Variants in ADGRV1 observed in about 807,000 individuals in gnomAD.
ADGRV1 encodes the protein adhesion G protein-coupled receptor V1.
ADGRV1 carries 359 observed loss-of-function variants against 596.2 expected under a neutral mutation model. The observed-to-expected ratio is 0.60, with a 90% CI of 0.55 to 0.66. ADGRV1 has a LOEUF of 0.66. Ranked by LOEUF, ADGRV1 falls within the 30% of genes least tolerant of loss-of-function variation. ADGRV1 has a pLI of 0.00. For missense variants in ADGRV1, 7,274 were observed against 7,575.6 expected, an observed-to-expected ratio of 0.96 and a Z score of 1.48; for synonymous variants, 2,681 against 2,679.2, an observed-to-expected ratio of 1.00 and a Z score of -0.02.
rs536438412 is a variant in ADGRV1, at chr5:91,112,006, T to G, written c.18432+9666T>G. ...TCTCTGCCCCGTGTTCAGTAGCATC[T>G]GGGCTGGTGAAACACCTCTGTGTTT... On this transcript the variant is annotated intron_variant, in intron 87 of 89. Transcript: ENST00000405460. 2.2e-4 allele frequency among the ~76,000 whole-genome samples: 34 copies of G among 152,380 alleles called. 1 individual carries two copies. The East Asian group carries it at 6.2e-3, about 28-fold the overall frequency.
chr5:90,681,722 A>G (rs1009603343), intron 27 of ADGRV1, among the ~76,000 whole-genome samples: 1 of 152,182 alleles, frequency 6.6e-6, no homozygotes, highest in Non-Finnish European at 1.5e-5. Flanking sequence ...TTTATCTTAC[A>G]TAGATTTTTG....
chr5:91,157,003 G>A (rs1263848394), intron 89 of ADGRV1, among the ~76,000 whole-genome samples: 1 of 152,156 alleles, frequency 6.6e-6, no homozygotes, highest in African/African-American at 2.4e-5. Flanking sequence ...CTTTGAAGTC[G>A]AGCACAGCGC....
At chr5:90,921,754 T>C (rs1298735857) in intron 83 of ADGRV1, among the ~76,000 whole-genome samples, 2 of 151,630 alleles carry the variant, frequency 1.3e-5, no homozygotes, top group Admixed American at 6.6e-5. Flanking sequence ...GTAATGCATA[T>C]ATGTATAATA....
At chr5:90,943,947 A>G (rs954749288) in intron 83 of ADGRV1, among the ~76,000 whole-genome samples, 7 of 152,272 alleles carry the variant, frequency 4.6e-5, no homozygotes, top group Middle Eastern at 6.8e-3. Flanking sequence ...GTATACATGA[A>G]TTGAGGTGTA....
intron 1 of ADGRV1, among the ~76,000 whole-genome samples, chr5:90,586,471 C>G (rs752339549): frequency 6.6e-6 from 1 of 152,194 alleles, no homozygotes; most frequent in Non-Finnish European, 1.5e-5. Context: ...TACCCACCAA[C>G]CAACAGTGAT....
In ADGRV1 at chr5:91,061,656, C is replaced by G. The variant is rs1787439455; in HGVS notation, c.18153-10791C>G. 2.0e-5 allele frequency among the ~76,000 whole-genome samples: 3 copies of G among 152,272 alleles called. No homozygotes were observed. The South Asian group carries it at 6.2e-4, about 32-fold the overall frequency. ...TGTAATGTGTCCATTTTTCTTTCCTCAATCTTTTCAAGCAATATAAGCATA... is the reference window on the plus strand; with the variant it reads ...TGTAATGTGTCCATTTTTCTTTCCTGAATCTTTTCAAGCAATATAAGCATA... On this transcript the variant is annotated intron_variant, in intron 85 of 89. Coordinates refer to ENST00000405460, the MANE Select transcript of ADGRV1 (RefSeq NM_032119.4).
chr5:90,709,433 A>T (rs1292912682), intron 39 of ADGRV1, among the ~76,000 whole-genome samples: 1 of 152,204 alleles, frequency 6.6e-6, no homozygotes, highest in Non-Finnish European at 1.5e-5. Context: ...CTTTGAAAAG[A>T]TGTATTCCTA....
intron 21 of ADGRV1, among the ~76,000 whole-genome samples, chr5:90,668,481 C>G (rs11959408): frequency 6.6e-6 from 1 of 150,490 alleles, no homozygotes; most frequent in South Asian, 2.1e-4. Context: ...CCGCATGGTG[C>G]GCGCACCCAC....
intron 83 of ADGRV1, among the ~76,000 whole-genome samples, chr5:90,864,369 A>G (rs1767890460): frequency 6.6e-6 from 1 of 152,226 alleles, no homozygotes; most frequent in South Asian, 2.1e-4. Context: ...AATTTAAAGT[A>G]TCTAGTTTAA....
chr5:91,057,044 C>G (rs1046154364), intron 85 of ADGRV1, among the ~76,000 whole-genome samples: 1 of 152,186 alleles, frequency 6.6e-6, no homozygotes, highest in Non-Finnish European at 1.5e-5. Context: ...ATGGCAAATT[C>G]CAACAATGGA....
At chr5:90,609,982 C>G (rs1342539760) in intron 1 of ADGRV1, among the ~76,000 whole-genome samples, 1 of 151,882 alleles carries the variant, frequency 6.6e-6, no homozygotes, top group African/African-American at 2.4e-5. Context: ...TTATGACTTT[C>G]TTTCATTGTC....
chr5:91,114,842 C>T (rs1282640669), intron 87 of ADGRV1, among the ~76,000 whole-genome samples: 1 of 152,208 alleles, frequency 6.6e-6, no homozygotes, highest in African/African-American at 2.4e-5. Context: ...AGAAGTGGAA[C>T]ATGCTGTCAT....
intron 84 of ADGRV1, among the ~76,000 whole-genome samples, chr5:90,973,875 G>T (rs369560121): frequency 1.3e-5 from 2 of 152,076 alleles, no homozygotes; most frequent in African/African-American, 2.4e-5. Flanking sequence ...AAGAAAGAAA[G>T]AAAGGGTATT....
intron 52 of ADGRV1, among the ~76,000 whole-genome samples, chr5:90,747,444 A>C (rs1754751936): frequency 6.6e-6 from 1 of 152,148 alleles, no homozygotes. Flanking sequence ...AAAGAATACA[A>C]AATAAAATCA....
At chr5:91,150,885 G>A (rs1795993581) in intron 88 of ADGRV1, among the ~76,000 whole-genome samples, 1 of 152,132 alleles carries the variant, frequency 6.6e-6, no homozygotes, top group African/African-American at 2.4e-5. Context: ...TGTCAGTAAT[G>A]CTGCCCCTAG....
intron 85 of ADGRV1, among the ~76,000 whole-genome samples, chr5:91,042,549 A>G (rs961216229): frequency 6.6e-6 from 1 of 150,432 alleles, no homozygotes; most frequent in African/African-American, 2.4e-5. Flanking sequence ...TTTTTTTTTT[A>G]TTATACTTTA....
At chr5:90,989,767 C>T (rs1352365053) in intron 85 of ADGRV1, among the ~76,000 whole-genome samples, 5 of 152,198 alleles carry the variant, frequency 3.3e-5, no homozygotes, top group Non-Finnish European at 7.3e-5. Context: ...ACTCTCCTCC[C>T]TTGTTTTCCT....
At chr5:90,922,505 A>G (rs1241080990) in intron 83 of ADGRV1, among the ~76,000 whole-genome samples, 3 of 152,118 alleles carry the variant, frequency 2.0e-5, no homozygotes, top group East Asian at 1.9e-4. Context: ...GTGTATTTTC[A>G]TAGCTTTATG....
Position 90,948,445 on chromosome 5 carries a change from T to C in ADGRV1, c.17857-16970T>C, listed in dbSNP as rs572323531. Among the ~76,000 whole-genome samples the C allele has an allele frequency of 3.3e-5, 5 of 152,176 alleles. No individual in the cohort carries two copies. In the South Asian group the frequency reaches 8.3e-4, roughly 25 times the overall value. On this transcript the variant is annotated intron_variant, in intron 83 of 89. Transcript: ENST00000405460. ...TGTTCACCAACTAGAATGGCTAAGA[T>C]TAAGAAGAACAAACAGTGGATAACA...
Sources: gnomAD v4.1 joint callset for allele counts (sites outside exome capture counted in the v4.1 genomes callset) on GRCh38, gnomAD v4.1.1 for gene constraint, MANE v1.5 for transcripts, NCBI Gene and HGNC (gene_info 2026-07-23, HGNC 2026-07-21) for gene names.